Variants in ANKS1B observed in about 807,000 individuals in gnomAD.
The protein encoded by ANKS1B is ankyrin repeat and sterile alpha motif domain containing 1B.
In ANKS1B, 36 loss-of-function variants were observed where a neutral mutation model predicts 148.3. The observed-to-expected ratio is 0.24, with a 90% CI of 0.19 to 0.32. The LOEUF (loss-of-function observed/expected upper bound fraction) is 0.32. Ranked by LOEUF, ANKS1B falls within the 10% of genes least tolerant of loss-of-function variation. The pLI, the probability that ANKS1B is intolerant of heterozygous loss-of-function variation, is 1.00. For missense variants in ANKS1B, 1,157 were observed against 1,542.6 expected (o/e 0.75, Z 4.19); for synonymous variants, 542 against 560.8 (o/e 0.97, Z 0.47).
At chr12:99,263,110 G>A (rs2076094307) in intron 12 of ANKS1B, among the ~76,000 whole-genome samples, 1 of 151,898 alleles carries the variant, frequency 6.6e-6, no homozygotes, top group Non-Finnish European at 1.5e-5. Context: ...CCATTTCGTA[G>A]GTGAGGAGTT....
intron 1 of ANKS1B, among the ~76,000 whole-genome samples, chr12:99,847,090 G>A (rs10778028): frequency 0.28 from 42,976 of 151,530 alleles, 6,507 homozygotes; most frequent in African/African-American, 0.37. Context: ...CAGAAGCAAG[G>A]TCTCTCTCTT....
intron 12 of ANKS1B, among the ~76,000 whole-genome samples, chr12:99,294,065 T>C (rs1211792511): frequency 6.6e-6 from 1 of 152,186 alleles, no homozygotes; most frequent in Non-Finnish European, 1.5e-5. Flanking sequence ...GGAACCCTCG[T>C]AAACTGTTTG....
chr12:99,501,607 C>G (rs1004776641), intron 10 of ANKS1B, among the ~76,000 whole-genome samples: 1 of 152,106 alleles, frequency 6.6e-6, no homozygotes, highest in East Asian at 1.9e-4. Flanking sequence ...ACAGGATTAC[C>G]TCTGATTCCT....
chr12:99,395,350 G>A (rs1405409266), intron 12 of ANKS1B, among the ~76,000 whole-genome samples: 1 of 152,094 alleles, frequency 6.6e-6, no homozygotes, highest in East Asian at 1.9e-4. Flanking sequence ...GCTTATTAGG[G>A]CCTTACATAA....
At chr12:99,618,479 G>A (rs1297175268) in intron 9 of ANKS1B, among the ~76,000 whole-genome samples, 2 of 152,068 alleles carry the variant, frequency 1.3e-5, no homozygotes, top group African/African-American at 4.8e-5. Context: ...GAAGGAAAAT[G>A]GGAATCCTCA....
chr12:99,812,540 CACACACACACACACACACAGAG>C (rs1371733931), intron 2 of ANKS1B, among the ~76,000 whole-genome samples: 43 of 96,752 alleles, frequency 4.4e-4, no homozygotes, highest in Non-Finnish European at 6.9e-4. Context: ...CACACACACA[CACACACACACACACACACAGAG>C]AGAGAGAGAG....
intron 8 of ANKS1B, among the ~76,000 whole-genome samples, chr12:99,723,920 C>T (rs1293786625): frequency 6.6e-6 from 1 of 151,712 alleles, no homozygotes; most frequent in Non-Finnish European, 1.5e-5. Context: ...GGGGCCTGAC[C>T]ATTGAAAGAA....
At chr12:99,726,687 A>G (rs1297391890) in intron 8 of ANKS1B, among the ~76,000 whole-genome samples, 4 of 152,192 alleles carry the variant, frequency 2.6e-5, no homozygotes, top group African/African-American at 7.2e-5. Context: ...CACAACAAAA[A>G]AAAGAAAATT....
At chr12:99,146,128 T>A (rs1243471454) in intron 15 of ANKS1B, among the ~76,000 whole-genome samples, 1 of 152,114 alleles carries the variant, frequency 6.6e-6, no homozygotes, top group East Asian at 1.9e-4. Flanking sequence ...AACTTAAAAA[T>A]TCCATTTGAT....
intron 12 of ANKS1B, among the ~76,000 whole-genome samples, chr12:99,277,843 G>A (rs902634326): frequency 1.3e-5 from 2 of 152,164 alleles, no homozygotes; most frequent in Non-Finnish European, 2.9e-5. Flanking sequence ...GTGAAGTATT[G>A]CCCCATAGAC....
chr12:99,890,343 A>G (rs191720315), intron 1 of ANKS1B, among the ~76,000 whole-genome samples: 1 of 152,282 alleles, frequency 6.6e-6, no homozygotes, highest in East Asian at 1.9e-4. Flanking sequence ...AGCAAAGGCT[A>G]AGGTTTCCAG....
intron 1 of ANKS1B, among the ~76,000 whole-genome samples, chr12:99,914,484 G>A (rs891131260): frequency 2.0e-5 from 3 of 152,156 alleles, no homozygotes; most frequent in African/African-American, 7.2e-5. Context: ...AGAATGGCAG[G>A]CTTGGGTAAG....
In ANKS1B at chr12:99,779,885, G is replaced by A; in HGVS notation, c.833C>T (p.Ala278Val). ...ATACTGTTTACCTTGTAAGAGTGTT[G>A]CAATCTGGAGAGATTTCTGAGATGG... ...EHPSQKSLQI[A>V]TLLQEYLEGV... Residue 278 changes from alanine to valine, a missense_variant, in exon 6 of 27, where the codon GCA (alanine) becomes GTA (valine). Around this residue, in one of 6 missense-constraint regions of ANKS1B, gnomAD observed 661 missense variants for 642.1 expected, o/e 1.03. Coordinates refer to ENST00000683438, the MANE Select transcript of ANKS1B (RefSeq NM_001352186.2). 1 of 1,611,980 alleles carries A rather than the reference G, an allele frequency of 6.2e-7. No homozygotes were observed. Among genetic ancestry groups the A allele is most frequent in the South Asian group, 1.1e-5 (1 of 90,958 alleles).
rs996503233 is a variant in ANKS1B, at chr12:99,572,904, C to T, written c.1273-68263G>A. Among the ~76,000 whole-genome samples the T allele has an allele frequency of 2.6e-4, 39 of 151,900 alleles. 1 individual carries two copies. Among genetic ancestry groups the T allele is most frequent in the Non-Finnish European group, 4.4e-5 (3 of 67,930 alleles). On this transcript the variant is annotated intron_variant, in intron 9 of 26. Coordinates refer to ENST00000683438, the MANE Select transcript of ANKS1B (RefSeq NM_001352186.2). ...ATATAATATGTATCGTGTTTACATT[C>T]TTACGGTATATTTTGAATGTGTTAC...
chr12:99,206,066 C>T (rs1418418535), intron 14 of ANKS1B, among the ~76,000 whole-genome samples: 2 of 152,108 alleles, frequency 1.3e-5, no homozygotes, highest in African/African-American at 2.4e-5. Context: ...ATAAGACTAC[C>T]ATGAAAGGAT....
At chr12:98,752,447 C>T (rs1013923738) in intron 25 of ANKS1B, among the ~76,000 whole-genome samples, 5 of 151,916 alleles carry the variant, frequency 3.3e-5, no homozygotes, top group African/African-American at 9.7e-5. Flanking sequence ...TTAGTAGAGA[C>T]GGGGTTTCAC....
intron 12 of ANKS1B, among the ~76,000 whole-genome samples, chr12:99,308,896 T>C (rs914678947): frequency 6.7e-6 from 1 of 149,212 alleles, no homozygotes; most frequent in South Asian, 2.1e-4. Flanking sequence ...ATTTGTATAA[T>C]ATATATAGTA....
intron 1 of ANKS1B, 114 bp downstream of exon 1, chr12:99,983,990 T>C (rs1459846297): frequency 2.1e-6 from 2 of 935,686 alleles, no homozygotes; most frequent in Non-Finnish European, 3.2e-6. Context: ...TCCTACCTAA[T>C]TTAAGAATGA....
At chr12:98,776,662 T>C (rs2098679331) in intron 24 of ANKS1B, among the ~76,000 whole-genome samples, 1 of 152,206 alleles carries the variant, frequency 6.6e-6, no homozygotes, top group Non-Finnish European at 1.5e-5. Flanking sequence ...AATCTGCCTC[T>C]CGCCACTGCA....
Sources: allele counts gnomAD v4.1 joint callset (sites outside exome capture counted in the v4.1 genomes callset), GRCh38; gene constraint gnomAD v4.1.1; regional missense constraint gnomAD v4.1.1; transcripts MANE v1.5; gene names NCBI Gene and HGNC (gene_info 2026-07-23, HGNC 2026-07-21).